The following EYA4 variants were observed in gnomAD, a reference collection of about 807,000 sequenced individuals.
EYA4 encodes the protein EYA transcriptional coactivator and phosphatase 4.
In EYA4, 31 loss-of-function variants were observed where a neutral mutation model predicts 87.9. The ratio of observed to expected loss-of-function variants is 0.35; its 90% CI spans 0.27 to 0.48. EYA4 has a LOEUF of 0.48. Among genes scored for constraint, EYA4 ranks in the 20% least tolerant of loss-of-function variants. The pLI is 0.99. For synonymous variants in EYA4, 263 were observed against 270.6 expected (o/e 0.97, Z 0.28); for missense variants, 678 against 761.4 (o/e 0.89, Z 1.29).
intron 1 of EYA4, among the ~76,000 whole-genome samples, chr6:133,253,379 C>A (rs1048517281): frequency 1.3e-5 from 2 of 152,094 alleles, no homozygotes; most frequent in African/African-American, 4.8e-5. Flanking sequence ...CGGCCAAAAA[C>A]CCAGAGGTTC....
chr6:133,388,549 T>G (rs1238392836), intron 3 of EYA4, among the ~76,000 whole-genome samples: 3 of 152,204 alleles, frequency 2.0e-5, no homozygotes, highest in African/African-American at 7.2e-5. Context: ...GTGTTATTTT[T>G]GTACACTTTT....
chr6:133,267,948 T>TA (rs780347215), intron 1 of EYA4, among the ~76,000 whole-genome samples: 1 of 152,150 alleles, frequency 6.6e-6, no homozygotes, highest in Non-Finnish European at 1.5e-5. Flanking sequence ...ATGACATTGT[T>TA]ACTAGCAAAT....
At chr6:133,356,791 G>GTGTGTA (rs1283165682) in intron 2 of EYA4, among the ~76,000 whole-genome samples, 67 of 112,942 alleles carry the variant, frequency 5.9e-4, no homozygotes, top group African/African-American at 1.9e-3. Flanking sequence ...GTGTGTGTGT[G>GTGTGTA]TATATATATA....
In EYA4 at chr6:133,287,967, A is replaced by G. The variant is rs187586865; in HGVS notation, c.33+13154A>G. On this transcript the variant is annotated intron_variant, in intron 2 of 19. Transcript: ENST00000355286. ...AACATGGTGAAACCCCATCTCTACTAAAAATACGAAAATTAGCCGGGTGTG... is the reference window on the plus strand; with the variant it reads ...AACATGGTGAAACCCCATCTCTACTGAAAATACGAAAATTAGCCGGGTGTG... Among the ~76,000 whole-genome samples the G allele has an allele frequency of 1.7e-3, 262 of 152,212 alleles. 1 individual carries two copies. Among genetic ancestry groups the G allele is most frequent in the Admixed American group, 4.3e-3 (66 of 15,292 alleles).
intron 2 of EYA4, among the ~76,000 whole-genome samples, chr6:133,344,161 C>T (rs1296873431): frequency 6.6e-6 from 1 of 152,126 alleles, no homozygotes. Context: ...TGGATAAATG[C>T]AAGGCACGGT....
chr6:133,526,306 T>C (rs896110300), intron 19 of EYA4, among the ~76,000 whole-genome samples: 4 of 152,180 alleles, frequency 2.6e-5, no homozygotes, highest in South Asian at 4.1e-4. Flanking sequence ...AAGAATGTCA[T>C]CTGTATCACC....
Position 133,273,098 on chromosome 6 carries a change from T to TATATATATATATATATATAC in EYA4, c.-65-1599_-65-1598insCATATATATATATATATATA, listed in dbSNP as rs1554213959. Among the ~76,000 whole-genome samples the TATATATATATATATATATAC allele has an allele frequency of 8.0e-3, 667 of 83,056 alleles. 14 individuals are homozygous for TATATATATATATATATATAC. Among genetic ancestry groups the TATATATATATATATATATAC allele is most frequent in the African/African-American group, 0.045 (594 of 13,132 alleles). The allele number at this position is 83,056 out of a possible 152,430, so 54.5% of individuals were successfully genotyped here. A position where few individuals can be genotyped will look rare whatever the true frequency, so the allele number is the denominator to read the frequency against. On this transcript the variant is annotated intron_variant, in intron 1 of 19. Coordinates refer to ENST00000355286, the MANE Select transcript of EYA4 (RefSeq NM_004100.5). ...AGAACTAATAGGAGATATATATATG[T>TATATATATATATATATATAC]ATATATATATATATATATAAAGGGA... is the stretch of plus-strand genomic sequence containing the variant.
chr6:133,434,528 A>G (rs1237077210), intron 3 of EYA4, among the ~76,000 whole-genome samples: 1 of 152,174 alleles, frequency 6.6e-6, no homozygotes, highest in African/African-American at 2.4e-5. Flanking sequence ...GGATATTATT[A>G]TCTCCAATAT....
At chr6:133,269,053 G>A (rs1474257153) in intron 1 of EYA4, among the ~76,000 whole-genome samples, 1 of 152,178 alleles carries the variant, frequency 6.6e-6, no homozygotes, top group East Asian at 1.9e-4. Context: ...GAGGCCAGGG[G>A]TTCGAGAGCA....
At chr6:133,528,155 G>T (rs1268052664) in intron 19 of EYA4, among the ~76,000 whole-genome samples, 1 of 152,080 alleles carries the variant, frequency 6.6e-6, no homozygotes, top group Non-Finnish European at 1.5e-5. Context: ...AAATCAGGTC[G>T]ACTCTACTGG....
chr6:133,291,932 A>G (rs1391721387), intron 2 of EYA4, among the ~76,000 whole-genome samples: 6 of 126,502 alleles, frequency 4.7e-5, no homozygotes, highest in Admixed American at 3.1e-4. Flanking sequence ...TCCCAGCTAG[A>G]CTGATTTTTT....
At chr6:133,517,334 A>C (rs557009691) in intron 17 of EYA4, among the ~76,000 whole-genome samples, 2 of 152,246 alleles carry the variant, frequency 1.3e-5, no homozygotes, top group South Asian at 4.2e-4. Context: ...ACACAAGTTA[A>C]CCTATGTAAC....
intron 2 of EYA4, among the ~76,000 whole-genome samples, chr6:133,315,631 A>G (rs1780566007): frequency 6.6e-6 from 1 of 152,192 alleles, no homozygotes; most frequent in Admixed American, 6.5e-5. Context: ...GGGAACAGAA[A>G]TGATCAGGGT....
chr6:133,513,699 T>A (rs572309766), intron 16 of EYA4, among the ~76,000 whole-genome samples: 2 of 152,290 alleles, frequency 1.3e-5, no homozygotes, highest in Non-Finnish European at 2.9e-5. Context: ...TGTGCTTCTA[T>A]ATATAAAATA....
At chr6:133,379,786 A>G (rs546806755) in intron 2 of EYA4, among the ~76,000 whole-genome samples, 30 of 152,236 alleles carry the variant, frequency 2.0e-4, no homozygotes, top group African/African-American at 7.0e-4. Context: ...CTCTGCCTTC[A>G]TGGAACTTCT....
intron 3 of EYA4, among the ~76,000 whole-genome samples, chr6:133,414,450 T>C (rs953963680): frequency 3.9e-5 from 6 of 152,238 alleles, no homozygotes; most frequent in African/African-American, 1.2e-4. Context: ...ACTGATTTGA[T>C]GTTACCTTTA....
intron 3 of EYA4, among the ~76,000 whole-genome samples, chr6:133,423,081 A>T (rs1790360320): frequency 6.6e-6 from 1 of 152,124 alleles, no homozygotes; most frequent in African/African-American, 2.4e-5. Context: ...GGGAACACAA[A>T]GGGAAATGCT....
intron 2 of EYA4, among the ~76,000 whole-genome samples, chr6:133,336,983 C>A (rs1364518993): frequency 1.3e-5 from 2 of 152,184 alleles, no homozygotes; most frequent in Non-Finnish European, 2.9e-5. Flanking sequence ...CCTTGGCTAA[C>A]TACAGCTGTT....
intron 13 of EYA4, among the ~76,000 whole-genome samples, chr6:133,499,811 C>T (rs1052903341): frequency 2.0e-5 from 3 of 151,784 alleles, no homozygotes; most frequent in African/African-American, 7.3e-5. Context: ...GTCTAGTTCC[C>T]GAGAAATTAT....
Sources: gnomAD v4.1 joint callset for allele counts (sites outside exome capture counted in the v4.1 genomes callset) on GRCh38, gnomAD v4.1.1 for gene constraint, MANE v1.5 for transcripts, NCBI Gene and HGNC (gene_info 2026-07-23, HGNC 2026-07-21) for gene names.